The following TTLL5 variants were observed in gnomAD, a reference collection of about 807,000 sequenced individuals.
TTLL5 encodes tubulin polyglutamylase TTLL5.
A neutral mutation model predicts 168.4 loss-of-function variants in TTLL5; 132 were observed. That is an observed-to-expected ratio of 0.78 (90% confidence interval 0.68 to 0.91). TTLL5 has a LOEUF of 0.91. Among genes scored for constraint, TTLL5 ranks in the 40% least tolerant of loss-of-function variants. The pLI is 0.00. For missense variants in TTLL5, 1,545 were observed against 1,581.5 expected (o/e 0.98, Z 0.39); for synonymous variants, 546 against 558.6 (o/e 0.98, Z 0.32).
chr14:75,683,710 A>G (rs770970208), intron 5 of TTLL5, 54 bp downstream of exon 5: 2 of 1,408,078 alleles, frequency 1.4e-6, no homozygotes, highest in South Asian at 2.3e-5. Context: ...ACATTGGGGC[A>G]TGTAGCCAGC....
chr14:75,727,763 A>T (rs1299164033), intron 12 of TTLL5: 1 of 439,366 alleles, frequency 2.3e-6, no homozygotes, highest in Non-Finnish European at 4.6e-6. Flanking sequence ...CAGACTCAAA[A>T]GAGTATATAC....
intron 28 of TTLL5, among the ~76,000 whole-genome samples, chr14:75,831,654 G>T (rs943305887): frequency 6.6e-6 from 1 of 152,194 alleles, no homozygotes; most frequent in African/African-American, 2.4e-5. Flanking sequence ...GGGGGAGTGG[G>T]TGGGGTCCTG....
Position 75,777,988 on chromosome 14 carries a change from C to A in TTLL5, c.2387+1138C>A, listed in dbSNP as rs1386943394. Among the ~76,000 whole-genome samples the A allele has an allele frequency of 8.7e-4, 127 of 145,678 alleles. 1 individual carries two copies. The South Asian group carries it at 9.8e-3, about 11-fold the overall frequency. ...ACAGAAAAGGATTAAAAAAAAAAAACAAAAAACAGATTGTGTCCAGAAAAT... is the reference window on the plus strand; with the variant it reads ...ACAGAAAAGGATTAAAAAAAAAAAAAAAAAAACAGATTGTGTCCAGAAAAT... On this transcript the variant is annotated intron_variant, in intron 23 of 31. Coordinates refer to ENST00000298832, the MANE Select transcript of TTLL5 (RefSeq NM_015072.5).
At chr14:75,663,722 ACC>A (rs1004019960) in intron 2 of TTLL5, among the ~76,000 whole-genome samples, 2 of 152,162 alleles carry the variant, frequency 1.3e-5, no homozygotes, top group African/African-American at 4.8e-5. Context: ...GTGTCCATTG[ACC>A]CACACTGCTT....
chr14:75,733,191 C>T (rs1020614633), intron 13 of TTLL5, among the ~76,000 whole-genome samples: 1 of 151,868 alleles, frequency 6.6e-6, no homozygotes, highest in African/African-American at 2.4e-5. Flanking sequence ...ATTACAGATG[C>T]TTCAGATGTT....
chr14:75,667,096 T>C (rs1883316937), intron 2 of TTLL5, among the ~76,000 whole-genome samples: 1 of 152,200 alleles, frequency 6.6e-6, no homozygotes, highest in Non-Finnish European at 1.5e-5. Context: ...CCTTACTGTT[T>C]ACTCTCTCTT....
At chr14:75,876,290 T>C (rs2031474962) in intron 29 of TTLL5, among the ~76,000 whole-genome samples, 1 of 152,258 alleles carries the variant, frequency 6.6e-6, no homozygotes, top group Admixed American at 6.5e-5. Flanking sequence ...AATATCTAGT[T>C]GTAATTATCT....
chr14:75,764,805 T>C (rs369302271), intron 19 of TTLL5, 33 bp downstream of exon 19: 16 of 1,612,762 alleles, frequency 9.9e-6, no homozygotes, highest in Non-Finnish European at 1.4e-5. Context: ...CAAACTCCCT[T>C]ATCTGGATCC....
intron 31 of TTLL5, among the ~76,000 whole-genome samples, chr14:75,917,827 A>T (rs2033674634): frequency 6.6e-6 from 1 of 152,214 alleles, no homozygotes; most frequent in African/African-American, 2.4e-5. Flanking sequence ...AAAAGCCGAG[A>T]GGGCTTGGGA....
At chr14:75,928,081 G>A (rs188128109) in intron 31 of TTLL5, among the ~76,000 whole-genome samples, 7 of 151,846 alleles carry the variant, frequency 4.6e-5, no homozygotes, top group Admixed American at 6.6e-5. Context: ...CTTGGTGTTC[G>A]TTTCCATGGA....
At chr14:75,699,727 TCTTTC>T (rs1299945443) in intron 7 of TTLL5, among the ~76,000 whole-genome samples, 2 of 152,200 alleles carry the variant, frequency 1.3e-5, no homozygotes, top group African/African-American at 4.8e-5. Context: ...CCTTCCTTCC[TCTTTC>T]CTTTCCTCTT....
chr14:75,889,981 A>T (rs924763833), intron 30 of TTLL5, among the ~76,000 whole-genome samples: 1 of 152,182 alleles, frequency 6.6e-6, no homozygotes, highest in Non-Finnish European at 1.5e-5. Flanking sequence ...AGGTAAATTC[A>T]TAATCTTCAT....
intron 31 of TTLL5, among the ~76,000 whole-genome samples, chr14:75,903,529 C>G (rs1254265656): frequency 6.6e-6 from 1 of 151,822 alleles, no homozygotes; most frequent in African/African-American, 2.4e-5. Flanking sequence ...AAGGAGCCAT[C>G]GAGGAGTTTT....
At chr14:75,951,861 A>G (rs2034971983) in intron 31 of TTLL5, among the ~76,000 whole-genome samples, 1 of 152,232 alleles carries the variant, frequency 6.6e-6, no homozygotes, top group Non-Finnish European at 1.5e-5. Flanking sequence ...TAAGCAAAGA[A>G]CTTCTAAAAT....
At chr14:75,902,321 C>G in intron 31 of TTLL5, 97 bp downstream of exon 31, 1 of 1,255,706 alleles carries the variant, frequency 8.0e-7, no homozygotes, top group South Asian at 1.3e-5. Context: ...AGCCCCAGTT[C>G]AAAGAATGAA....
intron 27 of TTLL5, among the ~76,000 whole-genome samples, chr14:75,799,529 G>T (rs1893170517): frequency 6.6e-6 from 1 of 152,036 alleles, no homozygotes. Context: ...TGAATACCTG[G>T]TGATTTTTGC....
At chr14:75,682,780 T>C (rs1884723088) in intron 4 of TTLL5, among the ~76,000 whole-genome samples, 1 of 151,864 alleles carries the variant, frequency 6.6e-6, no homozygotes, top group Non-Finnish European at 1.5e-5. Flanking sequence ...AATTTTTTAT[T>C]TTTAGAGATG....
At chr14:75,803,647 C>A (rs1219545460) in intron 27 of TTLL5, among the ~76,000 whole-genome samples, 1 of 152,084 alleles carries the variant, frequency 6.6e-6, no homozygotes, top group East Asian at 1.9e-4. Context: ...TTTTGGAAAT[C>A]TATGTGTATG....
chr14:75,774,265 T>C (rs1360391898), intron 21 of TTLL5, among the ~76,000 whole-genome samples: 1 of 152,204 alleles, frequency 6.6e-6, no homozygotes, highest in East Asian at 1.9e-4. Flanking sequence ...GTAATCTGAT[T>C]GGTATCTGTT....
Sources: gnomAD v4.1 joint callset for allele counts (sites outside exome capture counted in the v4.1 genomes callset) on GRCh38, gnomAD v4.1.1 for gene constraint, MANE v1.5 for transcripts, NCBI Gene and HGNC (gene_info 2026-07-23, HGNC 2026-07-21) for gene names.